Variants in CDC42BPA observed in about 807,000 individuals in gnomAD.
CDC42BPA encodes CDC42 binding protein kinase alpha.
CDC42BPA carries 80 observed loss-of-function variants against 223.5 expected under a neutral mutation model. That is an observed-to-expected ratio of 0.36 (90% confidence interval 0.30 to 0.43). The LOEUF (loss-of-function observed/expected upper bound fraction) is 0.43. CDC42BPA is among the 20% of genes least tolerant of loss of function. CDC42BPA has a pLI of 1.00. For synonymous variants in CDC42BPA, 694 were observed against 718.6 expected (o/e 0.97, Z 0.55); for missense variants, 1,743 against 2,099.9 (o/e 0.83, Z 3.32).
In CDC42BPA at chr1:226,994,437, G is replaced by A. The variant is rs191558798; in HGVS notation, c.5134-38C>T. 1,609 of 1,459,080 alleles carry A rather than the reference G, an allele frequency of 1.1e-3. 1 individual carries two copies. Among genetic ancestry groups the A allele is most frequent in the Non-Finnish European group, 1.4e-3 (1,508 of 1,100,158 alleles). 90.4% of individuals were successfully genotyped at this position (1,459,080 alleles called of 1,614,324 possible). On this transcript the variant is annotated intron_variant, in intron 36 of 36. Coordinates refer to ENST00000366766, the MANE Select transcript of CDC42BPA (RefSeq NM_001394014.1). This position sits in a 1 kb window ranked among gnomAD's most constrained non-coding sequence, Gnocchi z 4.0. ...AAGTAAAACATTAATGAGAAGGAGG[G>A]GGAGAAAGGGAGGCAGAAGGGGCTC...
intron 2 of CDC42BPA, among the ~76,000 whole-genome samples, chr1:227,213,717 T>G (rs941510014): frequency 1.3e-5 from 2 of 152,152 alleles, no homozygotes; most frequent in Non-Finnish European, 2.9e-5. Context: ...CTATTTTTCA[T>G]ATCACATACT....
intron 2 of CDC42BPA, chr1:227,234,942 CGTTAGT>C (rs891655011): frequency 1.1e-4 from 16 of 150,316 alleles, no homozygotes; most frequent in African/African-American, 3.9e-4. Context: ...CATTAGCTAT[CGTTAGT>C]GTTAGTGTAT....
intron 2 of CDC42BPA, among the ~76,000 whole-genome samples, chr1:227,217,742 A>G (rs924266242): frequency 6.6e-6 from 1 of 152,166 alleles, no homozygotes; most frequent in Non-Finnish European, 1.5e-5. Context: ...TGCTCCAGCT[A>G]TAATGATCAC....
At chr1:227,247,221 G>C (rs1316485134) in intron 2 of CDC42BPA, among the ~76,000 whole-genome samples, 1 of 151,404 alleles carries the variant, frequency 6.6e-6, no homozygotes, top group South Asian at 2.1e-4. Flanking sequence ...ATTTTGGCCA[G>C]GTGCAGTGGC....
At chr1:227,203,777 A>T (rs61834570) in intron 3 of CDC42BPA, among the ~76,000 whole-genome samples, 3,317 of 152,266 alleles carry the variant, frequency 0.022, 46 homozygotes, top group Non-Finnish European at 0.033. Context: ...TATTCAGTCT[A>T]TATTATTTAA....
At chr1:227,280,166 A>T (rs1361115016) in intron 1 of CDC42BPA, among the ~76,000 whole-genome samples, 1 of 152,270 alleles carries the variant, frequency 6.6e-6, no homozygotes, top group Admixed American at 6.5e-5. Flanking sequence ...TTTTAATTCA[A>T]ATGAATGTGT....
At position 227,302,038 on chromosome 1, in the gene CDC42BPA, A is replaced by C. The variant is rs564189732; in HGVS notation, c.178+14967T>G. On this transcript the variant is annotated intron_variant, in intron 1 of 36. Transcript: ENST00000366766. ...ATATCAGATACTTAAGTCTGTCCTG[A>C]AACCTTCTGAACTGCATCCTGTCTG... 3.3e-5 allele frequency among the ~76,000 whole-genome samples: 5 copies of C among 152,272 alleles called. No homozygotes were observed. The East Asian group carries it at 7.7e-4, about 24-fold the overall frequency.
chr1:227,053,452 T>C (rs1673945442), intron 21 of CDC42BPA, among the ~76,000 whole-genome samples: 1 of 152,048 alleles, frequency 6.6e-6, no homozygotes, highest in Non-Finnish European at 1.5e-5. Flanking sequence ...CAGCAACCAC[T>C]TACCAACTGC....
chr1:227,238,038 CAA>C (rs35731369), intron 2 of CDC42BPA, among the ~76,000 whole-genome samples: 102 of 91,264 alleles, frequency 1.1e-3, no homozygotes, highest in Middle Eastern at 8.3e-3. Flanking sequence ...AACTCTGTCT[CAA>C]AAAAAAAAAA....
chr1:227,003,398 TC>T (rs1288646367), intron 35 of CDC42BPA, among the ~76,000 whole-genome samples: 1 of 152,122 alleles, frequency 6.6e-6, no homozygotes, highest in Non-Finnish European at 1.5e-5. Flanking sequence ...AGTACCATGC[TC>T]CCGGGAAAGC....
chr1:227,162,205 A>G (rs1446873020), intron 5 of CDC42BPA, among the ~76,000 whole-genome samples: 1 of 151,930 alleles, frequency 6.6e-6, no homozygotes, highest in Non-Finnish European at 1.5e-5. Context: ...GTAATTATAA[A>G]CTATATACAT....
rs543876120 is a variant in CDC42BPA, at chr1:227,232,268, G to A, written c.271-19049C>T. 3.9e-5 allele frequency among the ~76,000 whole-genome samples: 6 copies of A among 152,126 alleles called. 1 individual carries two copies. The highest frequency in any genetic ancestry group is 2.1e-4 in the South Asian group (1 of 4,808). ...CTTTCCCCATTTCTTGTTTTTGTCC[G>A]GTTTGTCAAAGATCAGATTGTAGAT... On this transcript the variant is annotated intron_variant, in intron 2 of 36. Transcript: ENST00000366766.
chr1:227,206,257 G>C (rs1416657813), intron 3 of CDC42BPA, among the ~76,000 whole-genome samples: 2 of 152,172 alleles, frequency 1.3e-5, no homozygotes, highest in African/African-American at 2.4e-5. Context: ...TTAGGAGGCT[G>C]TTGATAAACT....
intron 24 of CDC42BPA, among the ~76,000 whole-genome samples, chr1:227,036,575 G>A (rs961121309): frequency 9.2e-5 from 14 of 152,028 alleles, no homozygotes; most frequent in East Asian, 1.9e-4. Flanking sequence ...GACTACAGGC[G>A]CCCGCCACCT....
intron 2 of CDC42BPA, among the ~76,000 whole-genome samples, chr1:227,228,337 T>C (rs1319299598): frequency 6.6e-6 from 1 of 152,242 alleles, no homozygotes; most frequent in East Asian, 1.9e-4. Flanking sequence ...CTCATTCATA[T>C]TGTAGCATGT....
At chr1:227,268,633 GTATA>G (rs1344605726) in intron 1 of CDC42BPA, among the ~76,000 whole-genome samples, 6 of 145,698 alleles carry the variant, frequency 4.1e-5, no homozygotes, top group Non-Finnish European at 7.4e-5. Flanking sequence ...TATAGTATGT[GTATA>G]TATATAGTGT....
chr1:227,127,139 C>A (rs963868872), intron 11 of CDC42BPA, among the ~76,000 whole-genome samples: 2 of 151,860 alleles, frequency 1.3e-5, no homozygotes, highest in Non-Finnish European at 2.9e-5. Context: ...AACACATGAA[C>A]AATAAAATTA....
chr1:227,045,518 G>C (rs1305903279), intron 23 of CDC42BPA, among the ~76,000 whole-genome samples: 1 of 152,044 alleles, frequency 6.6e-6, no homozygotes, highest in Non-Finnish European at 1.5e-5. Flanking sequence ...TTTAGTTACA[G>C]GAAAAAGTCT....
At chr1:227,041,478 A>C (rs1671363956) in intron 23 of CDC42BPA, among the ~76,000 whole-genome samples, 1 of 152,216 alleles carries the variant, frequency 6.6e-6, no homozygotes. Flanking sequence ...AAGGTTATCA[A>C]GTAGCATTTA....
Sources: allele counts gnomAD v4.1 joint callset (sites outside exome capture counted in the v4.1 genomes callset), GRCh38; gene constraint gnomAD v4.1.1; non-coding constraint Gnocchi (gnomAD v3.1); transcripts MANE v1.5; gene names NCBI Gene and HGNC (gene_info 2026-07-23, HGNC 2026-07-21).